RBFOX1: variants seen among roughly 807,000 people sequenced by gnomAD.
RBFOX1 encodes RNA binding protein fox-1 homolog 1.
Under a neutral mutation model 57.7 loss-of-function variants are expected in RBFOX1, and 8 were observed. That is an observed-to-expected ratio of 0.14 (90% confidence interval 0.08 to 0.25). The LOEUF is 0.25. Ranked by LOEUF, RBFOX1 falls within the 10% of genes least tolerant of loss-of-function variation. The pLI is 1.00. For missense variants in RBFOX1, 611 were observed against 548.5 expected, an observed-to-expected ratio of 1.11 and a Z score of -1.14; for synonymous variants, 326 against 222.4, an observed-to-expected ratio of 1.47 and a Z score of -4.15.
chr16:6,496,115 T>C (rs1002159854), intron 2 of RBFOX1, among the ~76,000 whole-genome samples: 1 of 152,138 alleles, frequency 6.6e-6, no homozygotes, highest in African/African-American at 2.4e-5. Context: ...TGGGGTGTCT[T>C]GTAGAAAACG....
At chr16:5,475,676 G>A (rs934794643) in intron 2 of RBFOX1, among the ~76,000 whole-genome samples, 2 of 152,244 alleles carry the variant, frequency 1.3e-5, no homozygotes, top group African/African-American at 4.8e-5. Flanking sequence ...CCAGTGAGGA[G>A]CCAGTCCTTT....
chr16:6,464,269 T>A (rs969317730), intron 2 of RBFOX1, among the ~76,000 whole-genome samples: 5 of 152,200 alleles, frequency 3.3e-5, no homozygotes, highest in African/African-American at 1.2e-4. Context: ...AAAAAAATCA[T>A]ATATTAATGG....
intron 4 of RBFOX1, among the ~76,000 whole-genome samples, chr16:7,516,417 A>C (rs2076365120): frequency 6.6e-6 from 1 of 152,116 alleles, no homozygotes; most frequent in Non-Finnish European, 1.5e-5. Context: ...CTGTATCTGC[A>C]CCATACAGGC....
At chr16:5,794,398 C>G (rs2054805509) in intron 3 of RBFOX1, among the ~76,000 whole-genome samples, 1 of 151,944 alleles carries the variant, frequency 6.6e-6, no homozygotes, top group African/African-American at 2.4e-5. Flanking sequence ...ATTATGAGGC[C>G]AAATTCAATT....
intron 4 of RBFOX1, among the ~76,000 whole-genome samples, chr16:7,430,205 C>T (rs542425184): frequency 4.6e-5 from 7 of 152,344 alleles, no homozygotes; most frequent in African/African-American, 1.7e-4. Context: ...CATTGGCCCA[C>T]AGTAACTATT....
At chr16:5,637,867 G>A (rs2048734342) in intron 3 of RBFOX1, among the ~76,000 whole-genome samples, 1 of 152,178 alleles carries the variant, frequency 6.6e-6, no homozygotes, top group African/African-American at 2.4e-5. Flanking sequence ...TACCGCCTTA[G>A]GTGAAATCTG....
chr16:7,128,817 ACTTTT>A (rs2069352168), intron 4 of RBFOX1, among the ~76,000 whole-genome samples: 1 of 95,326 alleles, frequency 1.0e-5, no homozygotes, highest in Admixed American at 1.3e-4. Context: ...TTTTCTTTTT[ACTTTT>A]TTTTTTTTTT....
intron 2 of RBFOX1, among the ~76,000 whole-genome samples, chr16:6,460,155 A>G (rs2094882400): frequency 6.6e-6 from 1 of 151,434 alleles, no homozygotes; most frequent in Non-Finnish European, 1.5e-5. Context: ...ATTTTCTCAT[A>G]GTTCTGGAGG....
At chr16:6,145,779 G>A (rs1338884199) in intron 1 of RBFOX1, among the ~76,000 whole-genome samples, 2 of 151,988 alleles carry the variant, frequency 1.3e-5, no homozygotes, top group African/African-American at 4.8e-5. Context: ...ACTAATCACA[G>A]TTTGCAAAGG....
intron 1 of RBFOX1, among the ~76,000 whole-genome samples, chr16:6,290,951 C>G (rs115722315): frequency 0.013 from 2,014 of 152,178 alleles, 48 homozygotes; most frequent in African/African-American, 0.046. Flanking sequence ...AGAGCATCCC[C>G]AAGGGCTGCT....
chr16:7,292,837 A>G (rs1032366746), intron 4 of RBFOX1, among the ~76,000 whole-genome samples: 1 of 152,116 alleles, frequency 6.6e-6, no homozygotes, highest in Admixed American at 6.6e-5. Flanking sequence ...TGGAGCGTAC[A>G]GGTTTGGTTT....
chr16:5,649,765 G>T (rs138375182), intron 3 of RBFOX1, among the ~76,000 whole-genome samples: 1 of 152,260 alleles, frequency 6.6e-6, no homozygotes, highest in Non-Finnish European at 1.5e-5. Flanking sequence ...TGTACAACTC[G>T]CTGTTTTCAC....
intron 4 of RBFOX1, among the ~76,000 whole-genome samples, chr16:7,081,910 A>G (rs570165631): frequency 6.6e-6 from 1 of 152,238 alleles, no homozygotes; most frequent in East Asian, 1.9e-4. Context: ...GTTTGGGATA[A>G]TGTAGTAGAA....
chr16:5,926,296 A>G (rs2058939217), intron 4 of RBFOX1, among the ~76,000 whole-genome samples: 1 of 152,198 alleles, frequency 6.6e-6, no homozygotes, highest in East Asian at 1.9e-4. Context: ...CTCTCACTGG[A>G]AATCCTATGT....
intron 1 of RBFOX1, among the ~76,000 whole-genome samples, chr16:6,083,753 A>C (rs2096045183): frequency 6.6e-6 from 1 of 152,096 alleles, no homozygotes. Context: ...CTGAGATTAT[A>C]AGTGTGAGCC....
chr16:7,644,552 G>A (rs201465875), intron 11 of RBFOX1, among the ~76,000 whole-genome samples: 1 of 152,112 alleles, frequency 6.6e-6, no homozygotes, highest in African/African-American at 2.4e-5. Context: ...ACTCTCACCC[G>A]TTTGAGGATT....
At chr16:7,536,066 C>A (rs1442969810) in intron 5 of RBFOX1, among the ~76,000 whole-genome samples, 1 of 152,168 alleles carries the variant, frequency 6.6e-6, no homozygotes, top group South Asian at 2.1e-4. Flanking sequence ...ATGCAGCCAG[C>A]CATCTGTATC....
chr16:5,359,747 A>G (rs1596651522), intron 1 of RBFOX1, among the ~76,000 whole-genome samples: 1 of 152,112 alleles, frequency 6.6e-6, no homozygotes, highest in African/African-American at 2.4e-5. Context: ...ATGTGATCCC[A>G]TTTGTCCATT....
At chr16:7,376,096 A>G (rs2097681341) in intron 4 of RBFOX1, among the ~76,000 whole-genome samples, 1 of 152,194 alleles carries the variant, frequency 6.6e-6, no homozygotes, top group African/African-American at 2.4e-5. Context: ...TACATTTCTA[A>G]GGCACTTTTC....
Sources: gnomAD v4.1 joint callset for allele counts (sites outside exome capture counted in the v4.1 genomes callset) on GRCh38, gnomAD v4.1.1 for gene constraint, MANE v1.5 for transcripts, NCBI Gene and HGNC (gene_info 2026-07-23, HGNC 2026-07-21) for gene names.